WBP1L: variants seen among roughly 807,000 people sequenced by gnomAD.
WBP1L encodes the protein WW domain binding protein 1 like.
WBP1L carries 17 observed loss-of-function variants against 33.7 expected under a neutral mutation model. The observed-to-expected ratio is 0.50, with a 90% CI of 0.34 to 0.76. WBP1L has a LOEUF of 0.76. Among genes scored for constraint, WBP1L ranks in the 30% least tolerant of loss-of-function variants. WBP1L has a pLI of 0.01. For synonymous variants in WBP1L, 173 were observed against 190.8 expected (o/e 0.91, Z 0.77); for missense variants, 389 against 469.4 (o/e 0.83, Z 1.58).
chr10:102,744,524 G>A, intron 1 of WBP1L: 2 of 968,936 alleles, frequency 2.1e-6, no homozygotes, highest in Non-Finnish European at 2.5e-6. Context: ...GGGTACACAG[G>A]CTATTGAGTT....
At chr10:102,810,147 G>T in intron 3 of WBP1L, 93 bp downstream of exon 3, 1 of 1,494,796 alleles carries the variant, frequency 6.7e-7, no homozygotes, top group African/African-American at 1.4e-5. Flanking sequence ...GCTCCTGTAG[G>T]CATAGGGGGT....
chr10:102,765,068 GAGATGTAC>G (rs1229377783), intron 1 of WBP1L, among the ~76,000 whole-genome samples: 5 of 152,166 alleles, frequency 3.3e-5, no homozygotes, highest in Admixed American at 2.6e-4. Context: ...TGAGAAATGA[GAGATGTAC>G]AGATAATGAG....
At chr10:102,799,398 C>A (rs981572821) in intron 2 of WBP1L, among the ~76,000 whole-genome samples, 7 of 152,038 alleles carry the variant, frequency 4.6e-5, no homozygotes, top group African/African-American at 1.5e-4. Flanking sequence ...GCCAGAACCA[C>A]TTGCTTCTTC....
chr10:102,775,692 C>T (rs1843251604), intron 1 of WBP1L, among the ~76,000 whole-genome samples: 3 of 152,216 alleles, frequency 2.0e-5, no homozygotes, highest in South Asian at 2.1e-4. Flanking sequence ...TCCAAGCCCC[C>T]GCTGCGAATT....
At chr10:102,752,719 C>T (rs1009412813) in intron 1 of WBP1L, among the ~76,000 whole-genome samples, 1 of 152,182 alleles carries the variant, frequency 6.6e-6, no homozygotes, top group Non-Finnish European at 1.5e-5. Flanking sequence ...ATTCCAAGTC[C>T]TGGCTCTACT....
At chr10:102,753,748 T>C (rs915468968) in intron 1 of WBP1L, among the ~76,000 whole-genome samples, 1 of 152,192 alleles carries the variant, frequency 6.6e-6, no homozygotes, top group African/African-American at 2.4e-5. Flanking sequence ...TTTAAAATAA[T>C]TTAACTTAAA....
intron 1 of WBP1L, among the ~76,000 whole-genome samples, chr10:102,764,533 C>T (rs1345466882): frequency 2.0e-5 from 3 of 152,132 alleles, no homozygotes; most frequent in African/African-American, 7.2e-5. Flanking sequence ...TGGCTGTGGG[C>T]GGCCATTATA....
At position 102,813,447 on chromosome 10, in the gene WBP1L, T is replaced by C; in HGVS notation, c.*116T>C. The C allele has an allele frequency of 7.3e-7, 1 of 1,378,152 alleles. No individual in the cohort carries two copies. Among genetic ancestry groups the C allele is most frequent in the South Asian group, 1.5e-5 (1 of 67,526 alleles). The allele number at this position is 1,378,152 out of a possible 1,614,324, so 85.4% of individuals were successfully genotyped here. On this transcript the variant is annotated 3_prime_UTR_variant, in exon 4 of 4. Coordinates refer to ENST00000448841, the MANE Select transcript of WBP1L (RefSeq NM_001083913.2). ...CAGAGTACAGCCACTTGGTTCCTTT[T>C]TGTTTGTTTTCCTTCTCCTCTCCTG...
intron 1 of WBP1L, among the ~76,000 whole-genome samples, chr10:102,785,992 C>T (rs776592898): frequency 7.2e-5 from 11 of 152,186 alleles, no homozygotes; most frequent in Non-Finnish European, 1.5e-4. Flanking sequence ...TTGCAACTTC[C>T]GATTTTTGCT....
chr10:102,757,616 C>T lies in WBP1L; in HGVS notation c.90+13473C>T, dbSNP rs187287881. 2.5e-4 allele frequency among the ~76,000 whole-genome samples: 30 copies of T among 120,222 alleles called. No homozygotes were observed. In the East Asian group the frequency reaches 8.0e-3, roughly 32 times the overall value. The allele number at this position is 120,222 out of a possible 152,430, so 78.9% of individuals were successfully genotyped here. A position where few individuals can be genotyped will look rare whatever the true frequency, so the allele number is the denominator to read the frequency against. On this transcript the variant is annotated intron_variant, in intron 1 of 3. Coordinates refer to ENST00000448841, the MANE Select transcript of WBP1L (RefSeq NM_001083913.2). ...TTGTTGATACAAGCTCTCCCTGTGT[C>T]ACCCAGGCTGGAGTGCAGTGGCATG...
intron 1 of WBP1L, among the ~76,000 whole-genome samples, chr10:102,772,925 C>CT (rs58706105): frequency 0.7 from 97,629 of 139,012 alleles, 34,325 homozygotes; most frequent in East Asian, 0.88. Context: ...GTATGACTTC[C>CT]TTTTTTTTTT....
intron 1 of WBP1L, among the ~76,000 whole-genome samples, chr10:102,784,957 A>G (rs1590181684): frequency 6.7e-6 from 1 of 149,538 alleles, no homozygotes; most frequent in Non-Finnish European, 1.5e-5. Context: ...GGTCACTGCA[A>G]CCTCCGCCTC....
At chr10:102,787,628 A>T (rs1441165452) in intron 1 of WBP1L, among the ~76,000 whole-genome samples, 1 of 152,002 alleles carries the variant, frequency 6.6e-6, no homozygotes, top group Non-Finnish European at 1.5e-5. Context: ...AGACTAACAC[A>T]TGGGAAGCAA....
chr10:102,787,168 C>A (rs1465562369), intron 1 of WBP1L, among the ~76,000 whole-genome samples: 1 of 152,218 alleles, frequency 6.6e-6, no homozygotes, highest in African/African-American at 2.4e-5. Flanking sequence ...TTAGCAGTGG[C>A]TTGCCCTTTA....
chr10:102,795,578 T>A (rs1198199455), intron 1 of WBP1L, among the ~76,000 whole-genome samples: 1 of 152,208 alleles, frequency 6.6e-6, no homozygotes, highest in East Asian at 1.9e-4. Flanking sequence ...TTCAAATGCA[T>A]TCCACTCTAT....
chr10:102,810,169 C>G, intron 3 of WBP1L, 115 bp downstream of exon 3: 2 of 1,367,744 alleles, frequency 1.5e-6, no homozygotes, highest in Non-Finnish European at 2.0e-6. Flanking sequence ...TGTCCTCTCC[C>G]TGCCCCTCCG....
intron 1 of WBP1L, among the ~76,000 whole-genome samples, chr10:102,784,943 C>T (rs1468842148): frequency 6.7e-6 from 1 of 149,600 alleles, no homozygotes; most frequent in Admixed American, 6.7e-5. Context: ...ATGGCACGAT[C>T]TCAGGTCACT....
chr10:102,812,481 T>G, intron 3 of WBP1L, 114 bp from the exon 4 acceptor site: 1 of 1,271,642 alleles, frequency 7.9e-7, no homozygotes, highest in Non-Finnish European at 1.1e-6. Flanking sequence ...TAGCCATCAC[T>G]TGTTGGGTGC....
At chr10:102,781,114 C>T (rs1256430878) in intron 1 of WBP1L, among the ~76,000 whole-genome samples, 1 of 152,144 alleles carries the variant, frequency 6.6e-6, no homozygotes, top group Admixed American at 6.5e-5. Flanking sequence ...GTGAGCTGGT[C>T]CCTGGGCTGA....
Sources: allele counts gnomAD v4.1 joint callset (sites outside exome capture counted in the v4.1 genomes callset), GRCh38; gene constraint gnomAD v4.1.1; transcripts MANE v1.5; gene names NCBI Gene and HGNC (gene_info 2026-07-23, HGNC 2026-07-21).